The following STX7 variants were observed in gnomAD, a reference collection of about 807,000 sequenced individuals.
The protein encoded by STX7 is syntaxin-7.
A neutral mutation model predicts 39.6 loss-of-function variants in STX7; 34 were observed. That is an observed-to-expected ratio of 0.86 (90% CI 0.65 to 1.14). The LOEUF is 1.14. STX7 is among the 50% of genes most tolerant of loss of function. STX7 has a pLI of 0.00. For synonymous variants in STX7, 119 were observed against 99.1 expected (o/e 1.20, Z -1.19); for missense variants, 284 against 310.4 (o/e 0.92, Z 0.64).
At position 132,460,126 on chromosome 6, in the gene STX7, T is replaced by A. The variant is rs2114342924; in HGVS notation, c.*632A>T. On this transcript the variant is annotated 3_prime_UTR_variant, in exon 10 of 10. Transcript: ENST00000367941. The stretch of plus-strand genomic sequence containing the variant: ...GTAAAAACAACCTATCCTTAGTAAT[T>A]TTACTAGGCAATCTACAGCAAAAGC... 6.6e-6 allele frequency: 1 copy of A among 152,252 alleles called. No individual in the cohort carries two copies. The highest frequency in any genetic ancestry group is 3.4e-3 in the Middle Eastern group (1 of 294). The allele number at this position is 152,252 out of a possible 1,614,324, so 9.4% of individuals were successfully genotyped here.
intron 1 of STX7, among the ~76,000 whole-genome samples, chr6:132,508,689 T>C (rs1775767417): frequency 1.3e-5 from 2 of 152,050 alleles, no homozygotes; most frequent in African/African-American, 4.8e-5. Context: ...TTTTGATTTT[T>C]TTATAGAGAT....
chr6:132,474,382 T>G (rs144265881), intron 3 of STX7, among the ~76,000 whole-genome samples: 1 of 152,156 alleles, frequency 6.6e-6, no homozygotes, highest in Non-Finnish European at 1.5e-5. Context: ...TTATTTAGAT[T>G]TGGAGCATTT....
At position 132,457,865 on chromosome 6, in the gene STX7, T is replaced by C. The variant is rs1355265357; in HGVS notation, c.*2893A>G. The C allele has an allele frequency of 6.6e-6, 1 of 152,184 alleles. No homozygotes were observed. Among genetic ancestry groups the C allele is most frequent in the Non-Finnish European group, 1.5e-5 (1 of 68,020 alleles). The allele number at this position is 152,184 out of a possible 1,614,324, so 9.4% of individuals were successfully genotyped here. A position where few individuals can be genotyped will look rare whatever the true frequency, so the allele number is the denominator to read the frequency against. The stretch of plus-strand genomic sequence containing the variant: ...AATTTTGACTTTCAAAAAAAATAAA[T>C]GCTGCATAAGTTACCCTTGTGGACC... On this transcript the variant is annotated 3_prime_UTR_variant, in exon 10 of 10. Coordinates refer to ENST00000367941, the MANE Select transcript of STX7 (RefSeq NM_003569.3).
intron 4 of STX7, 144 bp from the exon 5 acceptor site, chr6:132,471,744 TG>T: frequency 1.1e-6 from 1 of 908,960 alleles, no homozygotes; most frequent in Non-Finnish European, 1.6e-6. Context: ...AGTAACATTC[TG>T]ATAGTATGTC....
At chr6:132,487,759 A>G (rs568655904) in intron 2 of STX7, among the ~76,000 whole-genome samples, 1 of 152,346 alleles carries the variant, frequency 6.6e-6, no homozygotes, top group Admixed American at 6.5e-5. Flanking sequence ...TGTAGAATTT[A>G]TAATATATCA....
intron 2 of STX7, among the ~76,000 whole-genome samples, chr6:132,501,738 C>T (rs1285668582): frequency 6.6e-6 from 1 of 152,160 alleles, no homozygotes. Flanking sequence ...AGAAAGGCCT[C>T]TTGGCCTCCT....
chr6:132,479,053 T>G (rs529903567), intron 2 of STX7, among the ~76,000 whole-genome samples: 1 of 152,264 alleles, frequency 6.6e-6, no homozygotes, highest in African/African-American at 2.4e-5. Flanking sequence ...AGCCAGCAGG[T>G]AGAAAATAAA....
intron 9 of STX7, 45 bp from the exon 10 acceptor site, chr6:132,460,895 G>T (rs764978922): frequency 4.6e-6 from 7 of 1,538,236 alleles, no homozygotes; most frequent in South Asian, 4.5e-5. Context: ...CATGTTTACA[G>T]ATTTAGTGGA....
chr6:132,484,119 G>T (rs78213764), intron 2 of STX7, among the ~76,000 whole-genome samples: 3,483 of 152,262 alleles, frequency 0.023, 59 homozygotes, highest in Non-Finnish European at 0.034. Context: ...AGAATACAAA[G>T]AAAAAATTAT....
chr6:132,483,755 G>A (rs537091364), intron 2 of STX7, among the ~76,000 whole-genome samples: 90 of 152,152 alleles, frequency 5.9e-4, no homozygotes, highest in African/African-American at 2.1e-3. Context: ...GATCTTCTGC[G>A]ACACCCCAAT....
Position 132,451,896 on chromosome 6 carries a change from G to C in STX7, c.*8862C>G, listed in dbSNP as rs1774143076. ...TCTATACAATCCGCTTTAGAAAACA[G>C]AAGAGAAAGGAATACTTTCCAGTTC... On this transcript the variant is annotated 3_prime_UTR_variant, in exon 10 of 10. Coordinates refer to ENST00000367941, the MANE Select transcript of STX7 (RefSeq NM_003569.3). 6.6e-6 allele frequency: 1 copy of C among 152,198 alleles called. No homozygotes were observed. The highest frequency in any genetic ancestry group is 6.5e-5 in the Admixed American group (1 of 15,286). 9.4% of individuals were successfully genotyped at this position (152,198 alleles called of 1,614,324 possible). A position where few individuals can be genotyped will look rare whatever the true frequency, so the allele number is the denominator to read the frequency against.
chr6:132,475,584 G>T lies in STX7; in HGVS notation c.155+9C>A. The T allele has an allele frequency of 6.3e-7, 1 of 1,578,998 alleles. No individual in the cohort carries two copies. The highest frequency in any genetic ancestry group is 8.6e-7 in the Non-Finnish European group (1 of 1,159,402). ...TCTTTCTCTTTTATTTATTTAACTAGATACTTACAACTGTTGCCTCAATTC... is the reference window on the plus strand; with the variant it reads ...TCTTTCTCTTTTATTTATTTAACTATATACTTACAACTGTTGCCTCAATTC... On this transcript the variant is annotated intron_variant, in intron 3 of 9. Coordinates refer to ENST00000367941, the MANE Select transcript of STX7 (RefSeq NM_003569.3).
chr6:132,501,557 A>C (rs957564784), intron 2 of STX7, among the ~76,000 whole-genome samples: 11 of 152,112 alleles, frequency 7.2e-5, no homozygotes, highest in Admixed American at 3.3e-4. Flanking sequence ...GATTTAAGTC[A>C]ACTCTTTTCT....
chr6:132,468,320 G>A, intron 8 of STX7, 83 bp downstream of exon 8: 1 of 1,048,756 alleles, frequency 9.5e-7, no homozygotes, highest in Non-Finnish European at 1.5e-6. Flanking sequence ...ACAGAAAGTG[G>A]TTACTCTTCT....
chr6:132,461,859 T>C, intron 9 of STX7: 2 of 1,540,970 alleles, frequency 1.3e-6, no homozygotes, highest in Middle Eastern at 1.7e-4. Context: ...GGAATCCTTT[T>C]TCTTACAAAG....
chr6:132,513,269 C>A (rs1775903066), upstream of STX7: 1 of 152,282 alleles, frequency 6.6e-6, no homozygotes, highest in Admixed American at 6.5e-5. Flanking sequence ...TCTTTGAAGC[C>A]TGACGTAGAG....
chr6:132,467,352 A>G (rs929738887), intron 8 of STX7, among the ~76,000 whole-genome samples: 7 of 152,276 alleles, frequency 4.6e-5, no homozygotes, highest in South Asian at 2.1e-4. Context: ...AATGTTACCT[A>G]TCAGTAAGTA....
intron 1 of STX7, among the ~76,000 whole-genome samples, chr6:132,506,356 C>T (rs982371365): frequency 4.6e-5 from 7 of 152,014 alleles, no homozygotes; most frequent in East Asian, 1.9e-4. Context: ...ACACATCCAA[C>T]GAGATTAATA....
chr6:132,510,333 T>TATC (rs1182354460), intron 1 of STX7, among the ~76,000 whole-genome samples: 1 of 152,228 alleles, frequency 6.6e-6, no homozygotes, highest in Non-Finnish European at 1.5e-5. Context: ...TCTACTGATG[T>TATC]ATCACATGTA....
Sources: allele counts gnomAD v4.1 joint callset (sites outside exome capture counted in the v4.1 genomes callset), GRCh38; gene constraint gnomAD v4.1.1; transcripts MANE v1.5; gene names NCBI Gene and HGNC (gene_info 2026-07-23, HGNC 2026-07-21).